The following HDGFL2 variants were observed in gnomAD, a reference collection of about 807,000 sequenced individuals.
The protein encoded by HDGFL2 is HDGF like 2.
In HDGFL2, 36 loss-of-function variants were observed where a neutral mutation model predicts 77.1. The ratio of observed to expected loss-of-function variants is 0.47; its 90% CI spans 0.36 to 0.62. The LOEUF is 0.62. HDGFL2 is among the 20% of genes least tolerant of loss of function. The pLI is 0.00. For synonymous variants in HDGFL2, 463 were observed against 413.1 expected, an observed-to-expected ratio of 1.12 and a Z score of -1.46; for missense variants, 976 against 973.4, an observed-to-expected ratio of 1.00 and a Z score of -0.04.
chr19:4,490,042 C>A (rs1413627348), intron 4 of HDGFL2, among the ~76,000 whole-genome samples: 3 of 152,176 alleles, frequency 2.0e-5, no homozygotes, highest in Admixed American at 6.5e-5. Context: ...AGCGTGACGT[C>A]CTCAGGGTGC....
At chr19:4,499,189 T>TA (rs1975787725) in intron 13 of HDGFL2, among the ~76,000 whole-genome samples, 1 of 151,026 alleles carries the variant, frequency 6.6e-6, no homozygotes, top group African/African-American at 2.4e-5. Flanking sequence ...CTACTAAAGA[T>TA]ACAAAAATTA....
At chr19:4,480,141 A>G (rs1975177674) in intron 3 of HDGFL2, among the ~76,000 whole-genome samples, 2 of 152,112 alleles carry the variant, frequency 1.3e-5, no homozygotes, top group African/African-American at 4.8e-5. Context: ...GGTAATCTTG[A>G]TGACCAAAAT....
In HDGFL2 at chr19:4,499,586, G is replaced by A. The variant is rs754892561; in HGVS notation, c.1671G>A (p.Ala557=). The change falls in exon 14 of 16, where the codon GCG becomes GCA. Residue 557 remains alanine, a synonymous_variant. Transcript: ENST00000616600. ...KSRVLGPKIE[A]VQKVNKAGME... ...GGGTCCTCGGCCCAAAGATCGAGGC[G>A]GTGCAGAAAGTGAACAAGGCTGGGA... 15 of 1,611,726 alleles carry A rather than the reference G, an allele frequency of 9.3e-6. No individual in the cohort carries two copies. In the East Asian group the frequency reaches 1.6e-4, roughly 17 times the overall value.
intron 5 of HDGFL2, 36 bp from the exon 6 acceptor site, chr19:4,491,728 C>T: frequency 6.2e-7 from 1 of 1,613,240 alleles, no homozygotes; most frequent in Non-Finnish European, 8.5e-7. Flanking sequence ...TGGTGGCTGC[C>T]AGTGGGCCCC....
At chr19:4,477,467 A>G (rs1200400099) in intron 3 of HDGFL2, among the ~76,000 whole-genome samples, 1 of 152,018 alleles carries the variant, frequency 6.6e-6, no homozygotes, top group East Asian at 1.9e-4. Context: ...ATCTTTCCTC[A>G]CGCTGTGCCT....
intron 10 of HDGFL2, chr19:4,497,252 C>T: frequency 2.4e-6 from 1 of 421,938 alleles, no homozygotes; most frequent in Non-Finnish European, 4.6e-6. Flanking sequence ...GGCTGGAGTG[C>T]AGTGGCGCCA....
chr19:4,496,378 T>C lies in HDGFL2; in HGVS notation c.1301T>C (p.Val434Ala), dbSNP rs1599722098. ...ARKPGQKEKR[V>A]RPEEKQQAKP... ...AAACCTGGCCAGAAGGAGAAGAGAG[T>C]GCGGCCCGAGGAGAAGCAACAAGCC... Residue 434 changes from valine to alanine, a missense_variant, in exon 10 of 16, where the codon GTG (valine) becomes GCG (alanine). Around this residue, in one of 5 missense-constraint regions of HDGFL2, gnomAD observed 567 missense variants for 534.7 expected, o/e 1.06. Transcript: ENST00000616600. 6.2e-7 allele frequency: 1 copy of C among 1,613,378 alleles called. No individual in the cohort carries two copies. Among genetic ancestry groups the C allele is most frequent in the South Asian group, 1.1e-5 (1 of 91,048 alleles).
intron 4 of HDGFL2, 48 bp downstream of exon 4, chr19:4,488,924 G>GTC (rs1246968198): frequency 6.9e-6 from 9 of 1,312,816 alleles, no homozygotes; most frequent in Non-Finnish European, 9.5e-6. Context: ...TTGCCCTGAT[G>GTC]TCTCGCCTGG....
intron 3 of HDGFL2, among the ~76,000 whole-genome samples, chr19:4,478,766 C>CT (rs1368382784): frequency 1.3e-5 from 2 of 151,850 alleles, no homozygotes; most frequent in Non-Finnish European, 2.9e-5. Context: ...ACTGCAACCT[C>CT]TGTCTCCTGG....
intron 9 of HDGFL2, among the ~76,000 whole-genome samples, chr19:4,495,914 C>A (rs1379682662): frequency 1.3e-5 from 2 of 152,144 alleles, no homozygotes; most frequent in African/African-American, 4.8e-5. Context: ...GTGCCTGGGG[C>A]CCACGTGCTG....
In HDGFL2 at chr19:4,494,247, G is replaced by GCGA; in HGVS notation, c.997_999dup (p.Arg333dup). ...GGCGCGAGCTGGAGGCCCGGCGGCGGCGAGAGCAGGAGGAGGAGCTGCGGC... is the reference window on the plus strand; with the variant it reads ...GGCGCGAGCTGGAGGCCCGGCGGCGGCGACGAGAGCAGGAGGAGGAGCTGCGGC... On this transcript the variant is annotated inframe_insertion, in exon 9 of 16. Coordinates refer to ENST00000616600, the MANE Select transcript of HDGFL2 (RefSeq NM_001001520.3). 1 of 1,462,702 alleles carries GCGA rather than the reference G, an allele frequency of 6.8e-7. No individual in the cohort carries two copies. The highest frequency in any genetic ancestry group is 9.0e-7 in the Non-Finnish European group (1 of 1,110,836). 90.6% of individuals were successfully genotyped at this position (1,462,702 alleles called of 1,614,324 possible).
At chr19:4,480,723 A>G (rs1444690742) in intron 3 of HDGFL2, among the ~76,000 whole-genome samples, 2 of 152,072 alleles carry the variant, frequency 1.3e-5, no homozygotes. Flanking sequence ...CGTCTCAAAA[A>G]AAAAGTGGGA....
chr19:4,499,783 G>C (rs1975810289), intron 14 of HDGFL2, 79 bp downstream of exon 14: 1 of 1,147,448 alleles, frequency 8.7e-7, no homozygotes, highest in East Asian at 2.5e-5. Context: ...CATTCCAGAA[G>C]GGGAGTACAG....
rs148098363 is a variant in HDGFL2, at chr19:4,488,760, G to A, written c.373G>A (p.Val125Ile). 743 of 1,552,742 alleles carry A rather than the reference G, an allele frequency of 4.8e-4. 6 individuals carry two copies. In the African/African-American group the frequency reaches 9.2e-3, roughly 19 times the overall value. ...DADEDDEDRG[V>I]MAVTAVTATA... ...TGACGAGGACGATGAGGACCGGGGGGTCATGGCCGTCACAGCGGTAACCGC... is the reference window on the plus strand; with the variant it reads ...TGACGAGGACGATGAGGACCGGGGGATCATGGCCGTCACAGCGGTAACCGC... Residue 125 changes from valine (V) to isoleucine (I), a missense_variant, in exon 4 of 16, where the codon GTC becomes ATC. Transcript: ENST00000616600.
intron 1 of HDGFL2, 83 bp downstream of exon 1, chr19:4,472,505 C>T (rs1974967507): frequency 1.2e-6 from 1 of 835,166 alleles, no homozygotes; most frequent in Non-Finnish European, 1.6e-6. Context: ...CACTGGAGGG[C>T]CGGGGTTGTC....
chr19:4,494,081 C>A (rs749059063), intron 8 of HDGFL2, 24 bp downstream of exon 8: 5 of 1,560,318 alleles, frequency 3.2e-6, no homozygotes, highest in Non-Finnish European at 4.3e-6. Context: ...CTGGGGTCCC[C>A]TCTGGCGGCT....
At chr19:4,500,600 A>G (rs986149752) in intron 14 of HDGFL2, among the ~76,000 whole-genome samples, 6 of 150,284 alleles carry the variant, frequency 4.0e-5, no homozygotes, top group Non-Finnish European at 6.0e-5. Context: ...AGCTGGGACT[A>G]CAGGCACCCA....
At chr19:4,475,686 G>C (rs1253356895) in intron 3 of HDGFL2, 103 bp downstream of exon 3, 1 of 1,372,184 alleles carries the variant, frequency 7.3e-7, no homozygotes, top group East Asian at 2.5e-5. Flanking sequence ...CATGGGGCTC[G>C]ATCGTTCCCT....
At position 4,498,294 on chromosome 19, in the gene HDGFL2, C is replaced by T. The variant is rs759248457; in HGVS notation, c.1403-12C>T. On this transcript the variant is annotated splice_polypyrimidine_tract_variant and intron_variant, in intron 11 of 15. Coordinates refer to ENST00000616600, the MANE Select transcript of HDGFL2 (RefSeq NM_001001520.3). ...TGCCTGGGCCCACACGGTGCTCTCTCTCCTGGCCCAGAGCCCTCCGTGGAG... is the reference window on the plus strand; with the variant it reads ...TGCCTGGGCCCACACGGTGCTCTCTTTCCTGGCCCAGAGCCCTCCGTGGAG... The T allele has an allele frequency of 1.9e-6, 3 of 1,611,896 alleles. No homozygotes were observed. The highest frequency in any genetic ancestry group is 1.3e-5 in the African/African-American group (1 of 75,046).
Sources: gnomAD v4.1 joint callset for allele counts (sites outside exome capture counted in the v4.1 genomes callset) on GRCh38, gnomAD v4.1.1 for gene constraint, gnomAD v4.1.1 regional missense constraint, MANE v1.5 for transcripts, NCBI Gene and HGNC (gene_info 2026-07-23, HGNC 2026-07-21) for gene names.